The following LOXL2 variants were observed in gnomAD, a reference collection of about 807,000 sequenced individuals.
LOXL2 encodes the protein lysyl oxidase like 2.
Under a neutral mutation model 93.0 loss-of-function variants are expected in LOXL2, and 70 were observed. The observed-to-expected ratio is 0.75, with a 90% CI of 0.62 to 0.92. The LOEUF is 0.92. LOXL2 is among the 40% of genes least tolerant of loss of function. The pLI, the probability that LOXL2 is intolerant of heterozygous loss-of-function variation, is 0.00. For missense variants in LOXL2, 973 were observed against 1,054.9 expected (o/e 0.92, Z 1.08); for synonymous variants, 438 against 413.2 (o/e 1.06, Z -0.73).
At chr8:23,391,921 G>C (rs1245238873) in intron 1 of LOXL2, among the ~76,000 whole-genome samples, 9 of 152,184 alleles carry the variant, frequency 5.9e-5, no homozygotes, top group Non-Finnish European at 1.0e-4. Flanking sequence ...AAAGTGGCCA[G>C]AGAGGCACCT....
At chr8:23,382,845 T>C (rs1192278364) in intron 1 of LOXL2, among the ~76,000 whole-genome samples, 2 of 152,160 alleles carry the variant, frequency 1.3e-5, no homozygotes, top group African/African-American at 2.4e-5. Context: ...TGTCTGATGA[T>C]GCTCTTCTCT....
chr8:23,393,276 G>A (rs1467622111), intron 1 of LOXL2, among the ~76,000 whole-genome samples: 1 of 152,204 alleles, frequency 6.6e-6, no homozygotes, highest in African/African-American at 2.4e-5. Context: ...AAAGGAGAAC[G>A]AAGTAAGAGG....
At chr8:23,312,616 C>T (rs760002826) in intron 9 of LOXL2, among the ~76,000 whole-genome samples, 1 of 133,318 alleles carries the variant, frequency 7.5e-6, no homozygotes, top group Non-Finnish European at 1.5e-5. Flanking sequence ...ATGCTAAAAA[C>T]TCTCAATAAA....
chr8:23,346,137 T>TAA (rs1379887259), intron 3 of LOXL2, among the ~76,000 whole-genome samples: 4 of 75,744 alleles, frequency 5.3e-5, no homozygotes, highest in Non-Finnish European at 9.9e-5. Context: ...TAAAATAAAA[T>TAA]AAAATAAATA....
At chr8:23,311,333 G>A (rs1048044903) in intron 9 of LOXL2, among the ~76,000 whole-genome samples, 9 of 152,232 alleles carry the variant, frequency 5.9e-5, no homozygotes, top group Non-Finnish European at 1.0e-4. Context: ...CATGGGGTGG[G>A]GCACGGAAGC....
At chr8:23,347,902 C>G (rs1804020461) in intron 3 of LOXL2, among the ~76,000 whole-genome samples, 1 of 152,104 alleles carries the variant, frequency 6.6e-6, no homozygotes. Context: ...GACACTTGCA[C>G]ATGTATGTTT....
intron 10 of LOXL2, among the ~76,000 whole-genome samples, chr8:23,304,335 A>C (rs1441788428): frequency 1.3e-5 from 2 of 152,256 alleles, no homozygotes; most frequent in East Asian, 3.8e-4. Flanking sequence ...AACAAGGGAA[A>C]CGGGGCTGTC....
chr8:23,297,722 C>CGCCG lies in LOXL2; in HGVS notation c.*320_*321insCGGC. On this transcript the variant is annotated 3_prime_UTR_variant, in exon 14 of 14. Coordinates refer to ENST00000389131, the MANE Select transcript of LOXL2 (RefSeq NM_002318.3). ...ACTGTGTCTGTGGTGAGCTCGGTGG[C>CGCCG]TTGAATGGGACAAGCTGATGACAAC... The CGCCG allele has an allele frequency of 4.7e-6, 1 of 211,652 alleles. No individual in the cohort carries two copies. The highest frequency in any genetic ancestry group is 9.2e-6 in the Non-Finnish European group (1 of 108,772). The allele number at this position is 211,652 out of a possible 1,614,324, so 13.1% of individuals were successfully genotyped here.
At chr8:23,307,213 C>T (rs749221112) in intron 10 of LOXL2, among the ~76,000 whole-genome samples, 9 of 152,140 alleles carry the variant, frequency 5.9e-5, no homozygotes, top group Non-Finnish European at 1.2e-4. Context: ...CCAAAAGGAA[C>T]CCAACAGATG....
chr8:23,332,235 TCA>T (rs1299241149), intron 5 of LOXL2, among the ~76,000 whole-genome samples: 1 of 37,050 alleles, frequency 2.7e-5, no homozygotes, highest in Non-Finnish European at 4.8e-5. Flanking sequence ...CCCTACACAC[TCA>T]CACCCCCACA....
chr8:23,358,584 T>C (rs1244095051), intron 3 of LOXL2, among the ~76,000 whole-genome samples: 2 of 152,178 alleles, frequency 1.3e-5, no homozygotes, highest in Admixed American at 1.3e-4. Flanking sequence ...AGGACAGGAG[T>C]GTTAGCTGCC....
At chr8:23,370,793 C>T (rs960933508) in intron 1 of LOXL2, 2 of 152,232 alleles carry the variant, frequency 1.3e-5, no homozygotes, top group Non-Finnish European at 2.9e-5. Context: ...TGTTAAACAG[C>T]TCCAGGCTCT....
chr8:23,330,826 C>T (rs1408353864), intron 5 of LOXL2, among the ~76,000 whole-genome samples: 1 of 151,266 alleles, frequency 6.6e-6, no homozygotes, highest in East Asian at 2.0e-4. Flanking sequence ...GGGTGGTGGA[C>T]TGATTGTCGG....
chr8:23,346,755 T>G (rs2117188931), intron 3 of LOXL2, among the ~76,000 whole-genome samples: 1 of 152,332 alleles, frequency 6.6e-6, no homozygotes, highest in Non-Finnish European at 1.5e-5. Context: ...GCACGTTGTC[T>G]TAGCTCAGTG....
chr8:23,384,625 G>T (rs774350765), intron 1 of LOXL2, among the ~76,000 whole-genome samples: 81 of 152,096 alleles, frequency 5.3e-4, no homozygotes, highest in Non-Finnish European at 4.9e-4. Flanking sequence ...AACTTAAAAG[G>T]CTCCAGCGGC....
intron 8 of LOXL2, 102 bp downstream of exon 8, chr8:23,319,783 T>G: frequency 7.5e-7 from 1 of 1,325,028 alleles, no homozygotes; most frequent in Non-Finnish European, 1.0e-6. Context: ...CTGTCCTGCC[T>G]GCACGGCTAG....
At chr8:23,302,285 T>C in intron 11 of LOXL2, 122 bp from the exon 12 acceptor site, 2 of 1,177,500 alleles carry the variant, frequency 1.7e-6, no homozygotes, top group South Asian at 2.8e-5. Flanking sequence ...CCCCACTGTG[T>C]GGGCTGCTCA....
At chr8:23,332,493 C>CA (rs1491460204) in intron 5 of LOXL2, among the ~76,000 whole-genome samples, 22 of 92,262 alleles carry the variant, frequency 2.4e-4, no homozygotes, top group Admixed American at 2.1e-3. Flanking sequence ...CATACCCCCC[C>CA]ACTCATACAC....
intron 2 of LOXL2, 74 bp from the exon 3 acceptor site, chr8:23,360,339 C>T: frequency 8.6e-7 from 1 of 1,157,452 alleles, no homozygotes; most frequent in Non-Finnish European, 1.2e-6. Flanking sequence ...GCACCAGTGT[C>T]TCACATGGAA....
Sources: allele counts gnomAD v4.1 joint callset (sites outside exome capture counted in the v4.1 genomes callset), GRCh38; gene constraint gnomAD v4.1.1; transcripts MANE v1.5; gene names NCBI Gene and HGNC (gene_info 2026-07-23, HGNC 2026-07-21).